PDZD8: variants seen among roughly 807,000 people sequenced by gnomAD.
The protein encoded by PDZD8 is PDZ domain-containing protein 8.
PDZD8 carries 14 observed loss-of-function variants against 85.8 expected under a neutral mutation model. The observed-to-expected ratio is 0.16, with a 90% CI of 0.11 to 0.26. The LOEUF is 0.26. Among genes scored for constraint, PDZD8 ranks in the 10% least tolerant of loss-of-function variants. The probability of loss-of-function intolerance (pLI) is 1.00; values close to 1 mark genes in which losing one functional copy is unlikely to be tolerated. For synonymous variants in PDZD8, 592 were observed against 568.6 expected (o/e 1.04, Z -0.59); for missense variants, 1,197 against 1,424.3 (o/e 0.84, Z 2.57).
In PDZD8 at chr10:117,316,934, CTGACATGT is replaced by C. The variant is rs560476307; in HGVS notation, c.1098+1930_1098+1937del. 2.0e-5 allele frequency among the ~76,000 whole-genome samples: 3 copies of C among 152,238 alleles called. No homozygotes were observed. The South Asian group carries it at 6.2e-4, about 32-fold the overall frequency. On this transcript the variant is annotated intron_variant, in intron 3 of 4. Transcript: ENST00000334464. ...CAGGAAAGTTTTAAAAAGGACATGG[CTGACATGT>C]GCTTTTGGCCAGCTTTAGACCACAC...
At chr10:117,319,390 T>A (rs966029310) in intron 2 of PDZD8, among the ~76,000 whole-genome samples, 1 of 84,690 alleles carries the variant, frequency 1.2e-5, no homozygotes, top group East Asian at 3.9e-4. Flanking sequence ...TAATTGCTCA[T>A]AAACACACAC....
intron 3 of PDZD8, among the ~76,000 whole-genome samples, chr10:117,311,351 CAG>C (rs1564695637): frequency 6.6e-6 from 1 of 152,042 alleles, no homozygotes; most frequent in Admixed American, 6.6e-5. Flanking sequence ...GGAAAGGAAA[CAG>C]AAGTGTGACT....
At chr10:117,299,415 A>T (rs1293567108) in intron 3 of PDZD8, among the ~76,000 whole-genome samples, 1 of 152,114 alleles carries the variant, frequency 6.6e-6, no homozygotes, top group East Asian at 1.9e-4. Context: ...AGTTTTCCAG[A>T]CTTTTAGATT....
chr10:117,316,211 T>A (rs1051072834), intron 3 of PDZD8, among the ~76,000 whole-genome samples: 18 of 152,194 alleles, frequency 1.2e-4, no homozygotes, highest in African/African-American at 3.9e-4. Context: ...ATGAGCTCTT[T>A]TATTGTATAA....
chr10:117,310,567 C>A (rs187660226), intron 3 of PDZD8, among the ~76,000 whole-genome samples: 2 of 152,192 alleles, frequency 1.3e-5, no homozygotes, highest in East Asian at 3.9e-4. Context: ...CATTTTTAAT[C>A]AAGATGAACT....
rs1844515321 is a variant in PDZD8 at position 117,277,417 on chromosome 10, G to A, written c.*5851C>T. On this transcript the variant is annotated 3_prime_UTR_variant, in exon 5 of 5. Transcript: ENST00000334464. ...TTATTTCCTTTCCATGGTTATGGTC[G>A]ATTGCCAACAGCCTTATAAAGAAAA... 1.5e-5 allele frequency: 7 copies of A among 474,530 alleles called. No homozygotes were observed. The highest frequency in any genetic ancestry group is 3.4e-5 in the East Asian group (1 of 29,446). 29.4% of individuals were successfully genotyped at this position (474,530 alleles called of 1,614,324 possible). A position where few individuals can be genotyped will look rare whatever the true frequency, so the allele number is the denominator to read the frequency against.
intron 2 of PDZD8, among the ~76,000 whole-genome samples, chr10:117,339,188 C>A: frequency 6.7e-6 from 1 of 149,586 alleles, no homozygotes; most frequent in African/African-American, 2.5e-5. Flanking sequence ...CAAAACTAAC[C>A]TAACCATTAG....
intron 1 of PDZD8, among the ~76,000 whole-genome samples, chr10:117,350,268 C>CTT (rs55833923): frequency 8.7e-5 from 12 of 137,722 alleles, no homozygotes; most frequent in East Asian, 8.5e-4. Context: ...TTGTTTGTTT[C>CTT]TTTTTTTTTT....
chr10:117,345,335 T>A (rs1844686409), intron 1 of PDZD8, among the ~76,000 whole-genome samples: 1 of 152,146 alleles, frequency 6.6e-6, no homozygotes, highest in South Asian at 2.1e-4. Context: ...ATAAGACAGC[T>A]GGGAGGAGCC....
At chr10:117,360,570 G>A (rs1844980126) in intron 1 of PDZD8, among the ~76,000 whole-genome samples, 1 of 151,772 alleles carries the variant, frequency 6.6e-6, no homozygotes, top group Non-Finnish European at 1.5e-5. Context: ...TCATAACAAG[G>A]TACAGTATAA....
At chr10:117,294,864 G>C (rs1031018511) in intron 3 of PDZD8, among the ~76,000 whole-genome samples, 2 of 152,100 alleles carry the variant, frequency 1.3e-5, no homozygotes, top group Non-Finnish European at 2.9e-5. Flanking sequence ...GGGAGAATAG[G>C]GGGAGTGGGG....
At chr10:117,361,520 A>G (rs1844998383) in intron 1 of PDZD8, among the ~76,000 whole-genome samples, 1 of 152,202 alleles carries the variant, frequency 6.6e-6, no homozygotes, top group African/African-American at 2.4e-5. Context: ...GTGGACTGAA[A>G]GAGAAAATAC....
intron 2 of PDZD8, among the ~76,000 whole-genome samples, chr10:117,319,542 G>C (rs2532785): frequency 6.6e-6 from 1 of 152,052 alleles, no homozygotes; most frequent in African/African-American, 2.4e-5. Flanking sequence ...TCTGAGAACT[G>C]TTGTGAGTAA....
chr10:117,305,044 C>A (rs1405847370), intron 3 of PDZD8, among the ~76,000 whole-genome samples: 1 of 152,102 alleles, frequency 6.6e-6, no homozygotes, highest in African/African-American at 2.4e-5. Flanking sequence ...CCGACAAATA[C>A]CATATTTTTC....
At chr10:117,351,978 G>A (rs559328248) in intron 1 of PDZD8, among the ~76,000 whole-genome samples, 30 of 152,228 alleles carry the variant, frequency 2.0e-4, no homozygotes, top group African/African-American at 6.5e-4. Flanking sequence ...TATACTTGGC[G>A]TGTTTAATTT....
chr10:117,340,875 G>A lies in PDZD8; in HGVS notation c.995+105C>T, dbSNP rs1010664373. On this transcript the variant is annotated intron_variant, in intron 2 of 4. Transcript: ENST00000334464. ...AAATTTACAATTAAAGAATTTACAG[G>A]TAAATAATATAATTTAAATGAACAC... 8 of 1,254,652 alleles carry A rather than the reference G, an allele frequency of 6.4e-6. No homozygotes were observed. The African/African-American group carries it at 7.6e-5, about 12-fold the overall frequency. The allele number at this position is 1,254,652 out of a possible 1,614,324, so 77.7% of individuals were successfully genotyped here.
intron 3 of PDZD8, among the ~76,000 whole-genome samples, chr10:117,316,652 T>A (rs1649801149): frequency 4.6e-5 from 7 of 152,198 alleles, no homozygotes; most frequent in Admixed American, 4.6e-4. Context: ...ATTGTGCCAC[T>A]GCACTCTAGC....
intron 2 of PDZD8, among the ~76,000 whole-genome samples, chr10:117,320,656 A>C (rs1341430858): frequency 1.3e-5 from 2 of 152,118 alleles, no homozygotes; most frequent in Non-Finnish European, 2.9e-5. Flanking sequence ...AAATACAATA[A>C]GTACCAAAAG....
chr10:117,368,281 T>G (rs1053770077), intron 1 of PDZD8, among the ~76,000 whole-genome samples: 5 of 152,202 alleles, frequency 3.3e-5, no homozygotes, highest in African/African-American at 1.2e-4. Flanking sequence ...GATATAGAGA[T>G]ATGAGCAACA....
Sources: gnomAD v4.1 joint callset for allele counts (sites outside exome capture counted in the v4.1 genomes callset) on GRCh38, gnomAD v4.1.1 for gene constraint, MANE v1.5 for transcripts, NCBI Gene and HGNC (gene_info 2026-07-23, HGNC 2026-07-21) for gene names.